The following SIL1 variants were observed in gnomAD, a reference collection of about 807,000 sequenced individuals.
The protein encoded by SIL1 is nucleotide exchange factor SIL1.
In SIL1, 40 loss-of-function variants were observed where a neutral mutation model predicts 49.1. The observed-to-expected ratio is 0.81, with a 90% CI of 0.63 to 1.06. The LOEUF (loss-of-function observed/expected upper bound fraction) is 1.06, where lower values mean the gene tolerates loss of function less well. SIL1 is among the 50% of genes least tolerant of loss of function. The pLI, the probability that SIL1 is intolerant of heterozygous loss-of-function variation, is 0.00. For missense variants in SIL1, 500 were observed against 572.6 expected (o/e 0.87, Z 1.29); for synonymous variants, 253 against 250.8 (o/e 1.01, Z -0.08).
intron 3 of SIL1, among the ~76,000 whole-genome samples, chr5:139,098,115 C>T (rs765566336): frequency 1.3e-5 from 2 of 152,134 alleles, no homozygotes; most frequent in Non-Finnish European, 2.9e-5. Context: ...TATGGAACCA[C>T]AGAAGAACCA....
intron 7 of SIL1, among the ~76,000 whole-genome samples, chr5:138,975,788 C>T (rs998974676): frequency 1.3e-5 from 2 of 152,162 alleles, no homozygotes; most frequent in African/African-American, 4.8e-5. Context: ...AGAGAGAAAC[C>T]GAGGCCTCTC....
chr5:139,147,958 G>A (rs1751224876), intron 1 of SIL1, among the ~76,000 whole-genome samples: 1 of 152,154 alleles, frequency 6.6e-6, no homozygotes, highest in African/African-American at 2.4e-5. Flanking sequence ...GGAAGTGCCA[G>A]GAGAGCCCTG....
chr5:138,947,589 A>G lies in SIL1; in HGVS notation c.1030-116T>C. On this transcript the variant is annotated intron_variant, in intron 9 of 9. Transcript: ENST00000394817. The surrounding 1 kb of genome is among the most constrained non-coding windows in gnomAD (Gnocchi z 4.1). ...CTTCAGACAGGAAGGCACGAGGCTG[A>G]CCCCTGAGGGCCCACCTCTTCCTCT... 1 of 843,600 alleles carries G rather than the reference A, an allele frequency of 1.2e-6. No homozygotes were observed. 52.3% of individuals were successfully genotyped at this position (843,600 alleles called of 1,614,324 possible). A position where few individuals can be genotyped will look rare whatever the true frequency, so the allele number is the denominator to read the frequency against.
intron 3 of SIL1, among the ~76,000 whole-genome samples, chr5:139,118,722 A>G (rs1750536220): frequency 6.6e-6 from 1 of 152,230 alleles, no homozygotes; most frequent in Non-Finnish European, 1.5e-5. Context: ...TGGTAAATTA[A>G]GTACCATAAT....
intron 1 of SIL1, among the ~76,000 whole-genome samples, chr5:139,129,498 C>T (rs1750818588): frequency 6.6e-6 from 1 of 152,112 alleles, no homozygotes. Context: ...CAGTGAAACC[C>T]CATCTCTACT....
intron 1 of SIL1, among the ~76,000 whole-genome samples, chr5:139,159,598 T>C (rs1192956686): frequency 6.6e-6 from 1 of 152,196 alleles, no homozygotes; most frequent in Non-Finnish European, 1.5e-5. Context: ...TCTTTCAAAG[T>C]TTCCAGAATT....
At position 138,947,263 on chromosome 5, in the gene SIL1, G is replaced by C. The variant is rs1350262073; in HGVS notation, c.1240C>G (p.Gln414Glu). ...AGTGTCCTGCCGAGCTGGGGGTCCT[G>C]ACGGTAGCGGTCCCGGCAGGTGGTC... is the stretch of plus-strand genomic sequence containing the variant. ...LLTTCRDRYR[Q>E]DPQLGRTLAS... Residue 414 changes from glutamine to glutamate, a missense_variant, in exon 10 of 10, where the codon CAG (glutamine) becomes GAG (glutamate). Coordinates refer to ENST00000394817, the MANE Select transcript of SIL1 (RefSeq NM_022464.5). The surrounding 1 kb of genome is among the most constrained non-coding windows in gnomAD (Gnocchi z 4.1). The C allele has an allele frequency of 1.2e-6, 2 of 1,613,580 alleles. No homozygotes were observed. Among genetic ancestry groups the C allele is most frequent in the East Asian group, 4.5e-5 (2 of 44,870 alleles).
In SIL1 at chr5:138,973,563, C is replaced by T. The variant is rs568248504; in HGVS notation, c.768-21679G>A. Among the ~76,000 whole-genome samples, 3 of 152,238 alleles carry T rather than the reference C, an allele frequency of 2.0e-5. No homozygotes were observed. In the South Asian group the frequency reaches 6.2e-4, roughly 32 times the overall value. ...TACATCCCTGAGCTCCCAGGCTCAACTGATCCTCCTGTTGCAGCTTCCTAT... is the reference window on the plus strand; with the variant it reads ...TACATCCCTGAGCTCCCAGGCTCAATTGATCCTCCTGTTGCAGCTTCCTAT... On this transcript the variant is annotated intron_variant, in intron 7 of 9. Transcript: ENST00000394817.
At chr5:139,153,955 A>G (rs889088176) in intron 1 of SIL1, among the ~76,000 whole-genome samples, 2 of 152,040 alleles carry the variant, frequency 1.3e-5, no homozygotes, top group African/African-American at 4.8e-5. Context: ...CCCAGACCCA[A>G]CTTCTTCAAG....
chr5:139,150,413 C>G (rs1751273236), intron 1 of SIL1, among the ~76,000 whole-genome samples: 1 of 152,152 alleles, frequency 6.6e-6, no homozygotes, highest in South Asian at 2.1e-4. Flanking sequence ...CTTCTATCCC[C>G]TACTCAGCCA....
chr5:139,155,936 G>A (rs1020744235), intron 1 of SIL1, among the ~76,000 whole-genome samples: 1 of 151,928 alleles, frequency 6.6e-6, no homozygotes, highest in Admixed American at 6.6e-5. Context: ...AGGTTCAAGC[G>A]ATTTTCCCAC....
chr5:138,951,265 C>A lies in SIL1; in HGVS notation c.935G>T (p.Gly312Val), dbSNP rs767153408. ...YAQRQFLKLGGLQVLRTLVQE... is the reference protein window; with the variant it reads ...YAQRQFLKLGVLQVLRTLVQE... ...CACCAGGGTCCTCAGGACCTGCAGCCCCCCGAGCTTCAGGAACTGCCGCTG... is the reference window on the plus strand; with the variant it reads ...CACCAGGGTCCTCAGGACCTGCAGCACCCCGAGCTTCAGGAACTGCCGCTG... The change falls in exon 9 of 10, where the codon GGG becomes GTG. Residue 312 changes from glycine to valine, a missense_variant. Transcript: ENST00000394817. 1.9e-6 allele frequency: 3 copies of A among 1,586,652 alleles called. No individual in the cohort carries two copies. In the South Asian group the frequency reaches 3.4e-5, roughly 18 times the overall value.
chr5:139,169,477 T>C (rs982422543), intron 1 of SIL1, among the ~76,000 whole-genome samples: 2 of 25,338 alleles, frequency 7.9e-5, no homozygotes, highest in Non-Finnish European at 1.6e-4. Flanking sequence ...TATAGATAGA[T>C]TTTTTTTTTT....
At chr5:139,098,789 T>A (rs906621721) in intron 3 of SIL1, among the ~76,000 whole-genome samples, 1 of 149,656 alleles carries the variant, frequency 6.7e-6, no homozygotes, top group Non-Finnish European at 1.5e-5. Flanking sequence ...TGCAAAAGAT[T>A]TGAATAGACT....
At chr5:139,173,926 T>G (rs1455020029) in intron 1 of SIL1, among the ~76,000 whole-genome samples, 2 of 147,664 alleles carry the variant, frequency 1.4e-5, no homozygotes, top group East Asian at 4.0e-4. Flanking sequence ...ACCACTGTAC[T>G]CCAGCCTGGG....
chr5:138,961,349 G>A (rs1425076451), intron 7 of SIL1, among the ~76,000 whole-genome samples: 1 of 152,154 alleles, frequency 6.6e-6, no homozygotes, highest in Non-Finnish European at 1.5e-5. Flanking sequence ...TACACTTTTT[G>A]TACACTCCTG....
intron 3 of SIL1, among the ~76,000 whole-genome samples, chr5:139,107,235 C>T (rs1258533606): frequency 6.6e-6 from 1 of 152,120 alleles, no homozygotes; most frequent in Admixed American, 6.5e-5. Flanking sequence ...AAGAGCCCTC[C>T]TTCTGACATG....
chr5:138,997,342 T>C (rs972002597), intron 7 of SIL1, among the ~76,000 whole-genome samples: 16 of 152,248 alleles, frequency 1.1e-4, no homozygotes, highest in Admixed American at 2.0e-4. Context: ...GTTTCATTCT[T>C]CTGCGTATGG....
intron 1 of SIL1, among the ~76,000 whole-genome samples, chr5:139,177,038 T>C (rs1751899063): frequency 6.8e-6 from 1 of 147,732 alleles, no homozygotes; most frequent in Non-Finnish European, 1.5e-5. Context: ...GTTCATGCCA[T>C]TCTCCTGCCT....
Sources: gnomAD v4.1 joint callset for allele counts (sites outside exome capture counted in the v4.1 genomes callset) on GRCh38, gnomAD v4.1.1 for gene constraint, Gnocchi (gnomAD v3.1) non-coding constraint, MANE v1.5 for transcripts, NCBI Gene and HGNC (gene_info 2026-07-23, HGNC 2026-07-21) for gene names.